The following SRP68 variants were observed in gnomAD, a reference collection of about 807,000 sequenced individuals.
SRP68 encodes the protein signal recognition particle 68, also known as signal recognition particle subunit SRP68.
SRP68 carries 15 observed loss-of-function variants against 82.2 expected under a neutral mutation model. The observed-to-expected ratio is 0.18, with a 90% CI of 0.12 to 0.28. The LOEUF (loss-of-function observed/expected upper bound fraction) is 0.28, where lower values mean the gene tolerates loss of function less well. Among genes scored for constraint, SRP68 ranks in the 10% least tolerant of loss-of-function variants. The pLI, the probability that SRP68 is intolerant of heterozygous loss-of-function variation, is 1.00. For synonymous variants in SRP68, 261 were observed against 292.6 expected, an observed-to-expected ratio of 0.89 and a Z score of 1.10; for missense variants, 595 against 780.5, an observed-to-expected ratio of 0.76 and a Z score of 2.83.
At chr17:76,056,556 C>T (rs890001804) in intron 8 of SRP68, among the ~76,000 whole-genome samples, 10 of 152,232 alleles carry the variant, frequency 6.6e-5, no homozygotes, top group Admixed American at 2.6e-4. Context: ...CAAGGACACA[C>T]ATCAACTCTT....
intron 4 of SRP68, among the ~76,000 whole-genome samples, chr17:76,062,538 T>C (rs1479912256): frequency 9.1e-6 from 1 of 109,870 alleles, no homozygotes; most frequent in Non-Finnish European, 1.7e-5. Flanking sequence ...ATAATATACA[T>C]TATATATTAT....
rs756006076 is a variant in SRP68, at chr17:76,067,298, C to T, written c.284G>A (p.Arg95Gln). The stretch of plus-strand genomic sequence containing the variant: ...ACCCATCTTGAAGTTGAGTGTTTTT[C>T]GAAGACGTCTTTGTCTACGGGAACA... Reference protein sequence around the residue: ...GYCSRRQRRLRKTLNFKMGNR... With the variant: ...GYCSRRQRRLQKTLNFKMGNR... Residue 95 changes from arginine (R) to glutamine (Q), a missense_variant, in exon 3 of 16, where the codon CGA (arginine) becomes CAA (glutamine). By Grantham distance (43) the Arg-to-Gln change is conservative. Coordinates refer to ENST00000307877, the MANE Select transcript of SRP68 (RefSeq NM_014230.4). 6.2e-7 allele frequency: 1 copy of T among 1,613,206 alleles called. No individual in the cohort carries two copies. The highest frequency in any genetic ancestry group is 8.5e-7 in the Non-Finnish European group (1 of 1,179,728).
chr17:76,060,561 G>A (rs1355277069), intron 6 of SRP68, 171 bp from the exon 7 acceptor site: 2 of 572,376 alleles, frequency 3.5e-6, no homozygotes, highest in East Asian at 2.9e-5. Context: ...AATTGACTGG[G>A]GCAATGAAAA....
chr17:76,046,264 A>T, intron 10 of SRP68, 70 bp from the exon 11 acceptor site: 50 of 1,339,822 alleles, frequency 3.7e-5, no homozygotes, highest in Non-Finnish European at 3.5e-5. Context: ...CTGGACTACA[A>T]GTTGGGGCTG....
At chr17:76,056,778 T>A (rs1454337955) in intron 8 of SRP68, among the ~76,000 whole-genome samples, 1 of 152,236 alleles carries the variant, frequency 6.6e-6, no homozygotes, top group Non-Finnish European at 1.5e-5. Flanking sequence ...CCTGTTTTTT[T>A]AAAGATGTCC....
intron 4 of SRP68, among the ~76,000 whole-genome samples, chr17:76,062,753 ATATATATATAT>A (rs1285604157): frequency 3.9e-5 from 3 of 77,200 alleles, no homozygotes; most frequent in South Asian, 6.3e-4. Context: ...ATATATATAT[ATATATATATAT>A]AAAATATATA....
chr17:76,047,433 TA>T (rs1460123541), intron 10 of SRP68, among the ~76,000 whole-genome samples: 1 of 152,200 alleles, frequency 6.6e-6, no homozygotes, highest in African/African-American at 2.4e-5. Context: ...AAATGTAGCA[TA>T]TATACTTATT....
chr17:76,055,585 C>A lies in SRP68; in HGVS notation c.978+1818G>T, dbSNP rs1256322914. ...CCTGGCTAACATGGTGAAACCCCGT[C>A]TCTACTAAAAATAAAAAAATTAGCC... On this transcript the variant is annotated intron_variant, in intron 8 of 15. Transcript: ENST00000307877. Among the ~76,000 whole-genome samples the A allele has an allele frequency of 4.6e-5, 7 of 151,692 alleles. No homozygotes were observed. The East Asian group carries it at 1.4e-3, about 30-fold the overall frequency.
At chr17:76,043,119 C>T (rs903651374) in intron 13 of SRP68, among the ~76,000 whole-genome samples, 7 of 151,674 alleles carry the variant, frequency 4.6e-5, no homozygotes, top group African/African-American at 1.7e-4. Context: ...TAAAAATTGG[C>T]CTGGTATGGT....
intron 3 of SRP68, among the ~76,000 whole-genome samples, chr17:76,065,915 G>C (rs777195730): frequency 2.0e-5 from 3 of 151,330 alleles, no homozygotes; most frequent in Non-Finnish European, 4.4e-5. Flanking sequence ...TCTATATCTA[G>C]TGTGTCACAA....
Position 76,070,386 on chromosome 17 carries a change from C to G in SRP68, c.243G>C (p.Gln81His). ...TTGTATGTGATACTAACCTGTACCT[C>G]TGAAAATCTCCATGCCGTAAACCAT... ...QQHGLRHGDF[Q>H]RYRGYCSRRQ... Residue 81 changes from glutamine (Q) to histidine (H), a missense_variant, in exon 2 of 16, where the codon CAG becomes CAC. Coordinates refer to ENST00000307877, the MANE Select transcript of SRP68 (RefSeq NM_014230.4). 1 of 1,613,948 alleles carries G rather than the reference C, an allele frequency of 6.2e-7. No homozygotes were observed. The highest frequency in any genetic ancestry group is 8.5e-7 in the Non-Finnish European group (1 of 1,179,826).
In SRP68 at chr17:76,039,692, G is replaced by A. The variant is rs374662066; in HGVS notation, c.*14C>T. The A allele has an allele frequency of 3.4e-5, 55 of 1,606,686 alleles. 1 individual carries two copies. The highest frequency in any genetic ancestry group is 2.9e-4 in the East Asian group (13 of 44,692). On this transcript the variant is annotated 3_prime_UTR_variant, in exon 16 of 16. Transcript: ENST00000307877. The stretch of plus-strand genomic sequence containing the variant: ...AAGAGTCAGAATCTCCCCCGCCCCC[G>A]AGGAAGAGCCTGGTTAGCTCCTGAA...
intron 7 of SRP68, among the ~76,000 whole-genome samples, chr17:76,058,079 C>G (rs1483437815): frequency 6.6e-6 from 1 of 151,398 alleles, no homozygotes; most frequent in African/African-American, 2.4e-5. Flanking sequence ...CTCAAGTGAT[C>G]CTTTTGCCTC....
chr17:76,070,720 T>G (rs1043603089), intron 1 of SRP68, among the ~76,000 whole-genome samples: 1 of 151,724 alleles, frequency 6.6e-6, no homozygotes, highest in African/African-American at 2.4e-5. Flanking sequence ...CTAGCACCTG[T>G]AATCCCAGCT....
intron 7 of SRP68, among the ~76,000 whole-genome samples, chr17:76,059,891 T>C (rs1473143241): frequency 6.6e-6 from 1 of 151,050 alleles, no homozygotes; most frequent in Non-Finnish European, 1.5e-5. Context: ...TTTGGGAGGC[T>C]GAGGCGGGCG....
chr17:76,046,218 C>T (rs768642348), intron 10 of SRP68, 24 bp from the exon 11 acceptor site: 2 of 1,604,792 alleles, frequency 1.2e-6, no homozygotes, highest in Non-Finnish European at 1.7e-6. Flanking sequence ...CAAGTCAGCT[C>T]AAGTTATACT....
intron 13 of SRP68, among the ~76,000 whole-genome samples, chr17:76,043,144 G>A (rs952275588): frequency 2.0e-5 from 3 of 152,010 alleles, no homozygotes; most frequent in Non-Finnish European, 2.9e-5. Flanking sequence ...CATGCCTGTA[G>A]TCCCAGCTAC....
At position 76,039,641 on chromosome 17, in the gene SRP68, G is replaced by T. The variant is rs895390691; in HGVS notation, c.*65C>A. On this transcript the variant is annotated 3_prime_UTR_variant, in exon 16 of 16. Transcript: ENST00000307877. ...ACCTGGATTTAATATCATGGAACTT[G>T]CTGGGATTTTCTCACAATACAGATT... 31 of 1,496,674 alleles carry T rather than the reference G, an allele frequency of 2.1e-5. No homozygotes were observed. The Admixed American group carries it at 5.3e-4, about 26-fold the overall frequency. The allele number at this position is 1,496,674 out of a possible 1,614,324, so 92.7% of individuals were successfully genotyped here.
intron 3 of SRP68, among the ~76,000 whole-genome samples, chr17:76,066,142 A>G (rs7217737): frequency 0.55 from 83,971 of 151,798 alleles, 26,317 homozygotes; most frequent in African/African-American, 0.86. Context: ...CTGAAATACA[A>G]GACTCTTCTA....
Sources: allele counts gnomAD v4.1 joint callset (sites outside exome capture counted in the v4.1 genomes callset), GRCh38; gene constraint gnomAD v4.1.1; transcripts MANE v1.5; gene names NCBI Gene and HGNC (gene_info 2026-07-23, HGNC 2026-07-21).